The following CCDC88A variants were observed in gnomAD, a reference collection of about 807,000 sequenced individuals.
CCDC88A encodes girdin.
In CCDC88A, 54 loss-of-function variants were observed where a neutral mutation model predicts 234.3. The ratio of observed to expected loss-of-function variants is 0.23; its 90% confidence interval spans 0.19 to 0.29. The LOEUF (loss-of-function observed/expected upper bound fraction) is 0.29. Among genes scored for constraint, CCDC88A ranks in the 10% least tolerant of loss-of-function variants. CCDC88A has a pLI of 1.00. For synonymous variants in CCDC88A, 753 were observed against 737.8 expected, an observed-to-expected ratio of 1.02 and a Z score of -0.33; for missense variants, 1,832 against 2,123.4, an observed-to-expected ratio of 0.86 and a Z score of 2.70.
chr2:55,338,641 C>T (rs1668087092), intron 13 of CCDC88A, among the ~76,000 whole-genome samples: 1 of 152,142 alleles, frequency 6.6e-6, no homozygotes, highest in Non-Finnish European at 1.5e-5. Flanking sequence ...TGGCTGTCTC[C>T]AGGTCTGGGA....
chr2:55,387,194 A>G (rs1225654453), intron 3 of CCDC88A, among the ~76,000 whole-genome samples: 6 of 151,252 alleles, frequency 4.0e-5, no homozygotes, highest in African/African-American at 9.7e-5. Context: ...AAAAAAAAAA[A>G]AAAAAAGAAA....
At chr2:55,362,810 A>G (rs981076538) in intron 6 of CCDC88A, among the ~76,000 whole-genome samples, 41 of 152,120 alleles carry the variant, frequency 2.7e-4, no homozygotes, top group African/African-American at 9.9e-4. Flanking sequence ...ATTCAAGAGC[A>G]AAAGGTTTTT....
In CCDC88A at chr2:55,343,666, T is replaced by C. The variant is rs1668764716; in HGVS notation, c.1315A>G (p.Thr439Ala). Reference protein sequence around the residue: ...LGWELEQISRTSELSEAPQKS... With the variant: ...LGWELEQISRASELSEAPQKS... Reference sequence around the variant, plus strand: ...GGAATACCTTCGGAAAGTTCACTAGTTCTGGATATCTGTTCCAGTTCCCAG... The same window carrying C: ...GGAATACCTTCGGAAAGTTCACTAGCTCTGGATATCTGTTCCAGTTCCCAG... The change falls in exon 12 of 33, where the codon ACT becomes GCT. Residue 439 changes from threonine (T) to alanine (A), a missense_variant. Physicochemically the swap from Thr to Ala is moderately conservative, Grantham distance 58. This residue lies in a region of CCDC88A where 1,282 missense variants were observed against 1,543.6 expected (regional missense o/e 0.83). Coordinates refer to ENST00000436346, the MANE Select transcript of CCDC88A (RefSeq NM_001365480.1). 1 of 1,608,002 alleles carries C rather than the reference T, an allele frequency of 6.2e-7. No homozygotes were observed. Among genetic ancestry groups the C allele is most frequent in the Non-Finnish European group, 8.5e-7 (1 of 1,177,770 alleles).
chr2:55,299,703 TA>T (rs1313175284), intron 29 of CCDC88A, 135 bp downstream of exon 29: 34 of 630,694 alleles, frequency 5.4e-5, no homozygotes, highest in Non-Finnish European at 9.6e-5. Flanking sequence ...GTGAAAAGTA[TA>T]AAATGTTCCA....
At chr2:55,390,822 A>T (rs1334579521) in intron 2 of CCDC88A, among the ~76,000 whole-genome samples, 2 of 152,288 alleles carry the variant, frequency 1.3e-5, no homozygotes, top group South Asian at 2.1e-4. Flanking sequence ...GGCTCCAAAA[A>T]TCTGCCTTTA....
intron 2 of CCDC88A, chr2:55,404,040 T>G (rs1679162533): frequency 6.6e-6 from 1 of 152,224 alleles, no homozygotes; most frequent in African/African-American, 2.4e-5. Flanking sequence ...GTGACAGACT[T>G]ATCTACTATG....
chr2:55,300,995 G>T (rs920059241), intron 28 of CCDC88A: 7 of 497,118 alleles, frequency 1.4e-5, no homozygotes, highest in Admixed American at 1.3e-4. Context: ...AAATGACCTT[G>T]GCTAAAACAG....
intron 5 of CCDC88A, among the ~76,000 whole-genome samples, chr2:55,366,929 G>GT (rs1672058542): frequency 6.6e-6 from 1 of 152,124 alleles, no homozygotes; most frequent in Non-Finnish European, 1.5e-5. Flanking sequence ...GCAATAAGCA[G>GT]GGATTCAAAC....
chr2:55,314,184 C>T (rs1170691598), intron 22 of CCDC88A: 1 of 152,376 alleles, frequency 6.6e-6, no homozygotes, highest in Non-Finnish European at 1.5e-5. Context: ...CCACCATAGA[C>T]CAGCCAGCCC....
intron 5 of CCDC88A, among the ~76,000 whole-genome samples, chr2:55,370,901 G>C (rs147562413): frequency 6.9e-4 from 105 of 151,424 alleles, no homozygotes; most frequent in African/African-American, 2.0e-3. Flanking sequence ...AGTTCCAGCT[G>C]CTCAGGAGCC....
chr2:55,406,858 G>T (rs911262360), intron 2 of CCDC88A, among the ~76,000 whole-genome samples: 1 of 152,168 alleles, frequency 6.6e-6, no homozygotes, highest in South Asian at 2.1e-4. Context: ...TAACAGTTAT[G>T]TTATCGATGA....
chr2:55,311,868 T>C (rs1426295978), intron 23 of CCDC88A, among the ~76,000 whole-genome samples: 1 of 152,190 alleles, frequency 6.6e-6, no homozygotes, highest in Non-Finnish European at 1.5e-5. Context: ...CTCCTTGGTA[T>C]GGCATAGAAC....
At chr2:55,349,337 A>G in intron 9 of CCDC88A, 181 bp downstream of exon 9, 1 of 576,658 alleles carries the variant, frequency 1.7e-6, no homozygotes, top group Non-Finnish European at 3.0e-6. Flanking sequence ...TTAATATGGA[A>G]GAAAGTTTGG....
rs1309481374 is a variant in CCDC88A at position 55,309,134 on chromosome 2, A to G, written c.4172+28T>C. ...TAACCTAGTGTTTTTTTTCAGAATA[A>G]GAATTCATAAAATTTGGTTAATGGT... On this transcript the variant is annotated intron_variant, in intron 24 of 32. Coordinates refer to ENST00000436346, the MANE Select transcript of CCDC88A (RefSeq NM_001365480.1). The surrounding 1 kb of genome is among the most constrained non-coding windows in gnomAD (Gnocchi z 5.1). 3 of 1,457,336 alleles carry G rather than the reference A, an allele frequency of 2.1e-6. No homozygotes were observed. Among genetic ancestry groups the G allele is most frequent in the Non-Finnish European group, 2.9e-6 (3 of 1,049,198 alleles). The allele number at this position is 1,457,336 out of a possible 1,614,324, so 90.3% of individuals were successfully genotyped here. A position where few individuals can be genotyped will look rare whatever the true frequency, so the allele number is the denominator to read the frequency against.
intron 19 of CCDC88A, 48 bp downstream of exon 19, chr2:55,318,795 C>G (rs756010710): frequency 1.4e-6 from 2 of 1,387,250 alleles, no homozygotes; most frequent in Non-Finnish European, 2.0e-6. Flanking sequence ...ATTTTAATAG[C>G]ATAATTCAAG....
chr2:55,357,839 T>C (rs1237709867), intron 7 of CCDC88A, among the ~76,000 whole-genome samples: 2 of 152,194 alleles, frequency 1.3e-5, no homozygotes, highest in African/African-American at 2.4e-5. Context: ...AGTATGTCTG[T>C]TGATGAACCT....
At chr2:55,354,856 C>T (rs569822390) in intron 8 of CCDC88A, among the ~76,000 whole-genome samples, 11 of 151,820 alleles carry the variant, frequency 7.2e-5, no homozygotes, top group South Asian at 2.1e-4. Context: ...TGTGAACCAC[C>T]GCGCCTGGCC....
chr2:55,312,365 G>T, intron 23 of CCDC88A, 69 bp downstream of exon 23: 2 of 1,380,146 alleles, frequency 1.4e-6, no homozygotes, highest in Non-Finnish European at 1.0e-6. Context: ...AATTTTCTCT[G>T]CCACTGGGTA....
At chr2:55,330,713 C>T (rs909402203) in intron 16 of CCDC88A, among the ~76,000 whole-genome samples, 2 of 152,084 alleles carry the variant, frequency 1.3e-5, no homozygotes, top group East Asian at 1.9e-4. Context: ...TATCTCCATG[C>T]CTAATTCATT....
Sources: gnomAD v4.1 joint callset for allele counts (sites outside exome capture counted in the v4.1 genomes callset) on GRCh38, gnomAD v4.1.1 for gene constraint, gnomAD v4.1.1 regional missense constraint, Gnocchi (gnomAD v3.1) non-coding constraint, MANE v1.5 for transcripts, NCBI Gene and HGNC (gene_info 2026-07-23, HGNC 2026-07-21) for gene names.